Variants in MAP2K4 observed in about 807,000 individuals in gnomAD.
MAP2K4 encodes the protein dual specificity mitogen-activated protein kinase kinase 4.
Under a neutral mutation model 48.5 loss-of-function variants are expected in MAP2K4, and 4 were observed. The ratio of observed to expected loss-of-function variants is 0.08; its 90% CI spans 0.04 to 0.19. The LOEUF is 0.19. Ranked by LOEUF, MAP2K4 falls within the 10% of genes least tolerant of loss-of-function variation. The pLI is 1.00. For synonymous variants in MAP2K4, 166 were observed against 173.1 expected (o/e 0.96, Z 0.32); for missense variants, 258 against 493.3 (o/e 0.52, Z 4.52).
chr17:12,108,104 A>G (rs900196339), intron 5 of MAP2K4, among the ~76,000 whole-genome samples, 195 bp downstream of exon 5: 6 of 152,176 alleles, frequency 3.9e-5, no homozygotes, highest in Non-Finnish European at 5.9e-5. Context: ...AATACTGCCA[A>G]TGTTCTTTCC....
At chr17:12,115,645 T>A in intron 7 of MAP2K4, 1 of 751,620 alleles carries the variant, frequency 1.3e-6, no homozygotes, top group Non-Finnish European at 2.5e-6. Flanking sequence ...TGGTTAACGC[T>A]TATTAACACA....
At chr17:12,106,057 A>G (rs1360085088) in intron 4 of MAP2K4, among the ~76,000 whole-genome samples, 1 of 152,152 alleles carries the variant, frequency 6.6e-6, no homozygotes, top group Non-Finnish European at 1.5e-5. Context: ...GCCCAAGCTT[A>G]TATAAGTAGA....
intron 3 of MAP2K4, among the ~76,000 whole-genome samples, chr17:12,093,611 G>A (rs1309375844): frequency 6.6e-6 from 1 of 152,116 alleles, no homozygotes; most frequent in East Asian, 1.9e-4. Context: ...TTTAAAAATA[G>A]TAGTTTATGT....
In MAP2K4 at chr17:12,093,012, C is replaced by CA. The variant is rs34446755; in HGVS notation, c.394-2561dup. 2.2e-3 allele frequency among the ~76,000 whole-genome samples: 338 copies of CA among 152,136 alleles called. 2 individuals are homozygous for CA. Among genetic ancestry groups the CA allele is most frequent in the African/African-American group, 7.8e-3 (322 of 41,500 alleles). On this transcript the variant is annotated intron_variant, in intron 3 of 10. Transcript: ENST00000353533. Reference sequence around the variant, plus strand: ...CTGCACTCCGGCCTGGGCGAAAGAGCAAGACTCCGTCTTAAAAAAAAAAGT... The same window carrying CA: ...CTGCACTCCGGCCTGGGCGAAAGAGCAAAGACTCCGTCTTAAAAAAAAAAGT...
intron 7 of MAP2K4, chr17:12,115,806 G>T: frequency 1.4e-6 from 1 of 729,792 alleles, no homozygotes; most frequent in Non-Finnish European, 2.6e-6. Context: ...TTCTGGGACA[G>T]CTCTGCTGAC....
At chr17:12,047,347 C>G (rs528035969) in intron 1 of MAP2K4, among the ~76,000 whole-genome samples, 6 of 152,268 alleles carry the variant, frequency 3.9e-5, no homozygotes, top group African/African-American at 9.6e-5. Flanking sequence ...ATCTAGCTGA[C>G]TCTGTTATGC....
intron 3 of MAP2K4, among the ~76,000 whole-genome samples, chr17:12,090,744 A>C (rs1421398674): frequency 6.7e-6 from 1 of 149,992 alleles, no homozygotes; most frequent in African/African-American, 2.5e-5. Context: ...GGATTGAGGC[A>C]TAATATCTGA....
chr17:12,132,954 G>A (rs374608943), intron 9 of MAP2K4, among the ~76,000 whole-genome samples: 4 of 152,216 alleles, frequency 2.6e-5, no homozygotes, highest in East Asian at 1.9e-4. Context: ...AGTGAATTTC[G>A]ACATGGCATT....
intron 1 of MAP2K4, among the ~76,000 whole-genome samples, chr17:12,028,855 A>G (rs573928079): frequency 6.6e-6 from 1 of 152,262 alleles, no homozygotes; most frequent in East Asian, 1.9e-4. Context: ...GATAACTACA[A>G]AACCTCATAA....
chr17:12,137,871 TAAAC>T lies in MAP2K4; in HGVS notation c.1041-1964_1041-1961del, dbSNP rs60876938. On this transcript the variant is annotated intron_variant, in intron 9 of 10. Coordinates refer to ENST00000353533, the MANE Select transcript of MAP2K4 (RefSeq NM_003010.4). ...TAGTTTTGCTTCAGTGCATAAATGA[TAAAC>T]AAAGGTATAAATTTACCTTTTAAAT... Among the ~76,000 whole-genome samples, 1,207 of 152,262 alleles carry T rather than the reference TAAAC, an allele frequency of 7.9e-3. 11 individuals are homozygous for T. Among genetic ancestry groups the T allele is most frequent in the African/African-American group, 0.027 (1,118 of 41,566 alleles).
chr17:12,073,258 G>A (rs1418908900), intron 2 of MAP2K4, among the ~76,000 whole-genome samples: 1 of 152,168 alleles, frequency 6.6e-6, no homozygotes, highest in African/African-American at 2.4e-5. Context: ...AAAAAACTGG[G>A]GAGAGATGGG....
At chr17:12,067,036 G>A (rs1178497514) in intron 2 of MAP2K4, among the ~76,000 whole-genome samples, 2 of 152,110 alleles carry the variant, frequency 1.3e-5, no homozygotes, top group Admixed American at 6.5e-5. Flanking sequence ...TGGCCAGGCT[G>A]GTCTTGAACT....
chr17:12,069,700 C>A, intron 2 of MAP2K4: 1 of 1,018,684 alleles, frequency 9.8e-7, no homozygotes, highest in South Asian at 3.9e-5. Flanking sequence ...TGCCAGGAAG[C>A]AGGCAGTTTC....
chr17:12,070,446 G>A (rs1331492559), intron 2 of MAP2K4, among the ~76,000 whole-genome samples: 1 of 152,050 alleles, frequency 6.6e-6, no homozygotes, highest in Non-Finnish European at 1.5e-5. Context: ...TGATTGGTGG[G>A]CCATTTTCAA....
chr17:12,115,893 C>A, intron 7 of MAP2K4: 1 of 606,718 alleles, frequency 1.6e-6, no homozygotes. Flanking sequence ...ATTGGACCTC[C>A]TAGTCCAGCC....
intron 7 of MAP2K4, among the ~76,000 whole-genome samples, chr17:12,121,470 G>T (rs1972685569): frequency 6.6e-6 from 1 of 151,664 alleles, no homozygotes; most frequent in Non-Finnish European, 1.5e-5. Flanking sequence ...AGCTACTCAG[G>T]AGGCTGAGGC....
intron 7 of MAP2K4, 100 bp downstream of exon 7, chr17:12,113,460 G>T: frequency 1.4e-6 from 2 of 1,413,194 alleles, no homozygotes. Context: ...CCATGAAACT[G>T]CTAGAATATT....
rs199662810 is a variant in MAP2K4, at chr17:12,123,593, C to CT, written c.814-1693dup. On this transcript the variant is annotated intron_variant, in intron 7 of 10. Transcript: ENST00000353533. ...CTGCTTGCTTTGTATTTCATTTGTT[C>CT]TTTTTTTTCTAATTCTTTAAGCTAT... Among the ~76,000 whole-genome samples, 947 of 151,640 alleles carry CT rather than the reference C, an allele frequency of 6.2e-3. 2 individuals are homozygous for CT. The highest frequency in any genetic ancestry group is 0.036 in the East Asian group (186 of 5,148).
rs543909163 is a variant in MAP2K4, at chr17:12,109,554, C to G, written c.634-821C>G. Among the ~76,000 whole-genome samples, 6 of 152,248 alleles carry G rather than the reference C, an allele frequency of 3.9e-5. No homozygotes were observed. The South Asian group carries it at 1.2e-3, about 32-fold the overall frequency. ...TTTAGTTTGAGGTTGTGTCTCTTTT[C>G]CTTCCCTTCCTGAAGAAATGTGTAA... On this transcript the variant is annotated intron_variant, in intron 5 of 10. Coordinates refer to ENST00000353533, the MANE Select transcript of MAP2K4 (RefSeq NM_003010.4).
Sources: gnomAD v4.1 joint callset for allele counts (sites outside exome capture counted in the v4.1 genomes callset) on GRCh38, gnomAD v4.1.1 for gene constraint, MANE v1.5 for transcripts, NCBI Gene and HGNC (gene_info 2026-07-23, HGNC 2026-07-21) for gene names.